PIR: variants seen among roughly 807,000 people sequenced by gnomAD.
PIR encodes the protein pirin (iron-binding nuclear protein).
Under a neutral mutation model 24.2 loss-of-function variants are expected in PIR, and 22 were observed. That is an observed-to-expected ratio of 0.91 (90% CI 0.65 to 1.30). PIR has a LOEUF of 1.30. Among genes scored for constraint, PIR ranks in the 50% most tolerant of loss-of-function variants. PIR has a pLI of 0.00. For missense variants in PIR, 220 were observed against 220.3 expected, an observed-to-expected ratio of 1.00 and a Z score of 0.01; for synonymous variants, 80 against 79.6, an observed-to-expected ratio of 1.00 and a Z score of -0.03.
At chrX:15,413,341 C>T (rs966030632) in intron 6 of PIR, among the ~76,000 whole-genome samples, 3 of 111,534 alleles carry the variant, frequency 2.7e-5, no homozygotes, top group Non-Finnish European at 5.6e-5. Context: ...TCTTCGACTG[C>T]GGAGCAAAGC....
chrX:15,403,194 C>T (rs1924446865), intron 7 of PIR, among the ~76,000 whole-genome samples: 1 of 112,009 alleles, frequency 8.9e-6, no homozygotes, highest in South Asian at 3.7e-4. Flanking sequence ...GAGCCCGTTT[C>T]AAACTGCTTA....
intron 7 of PIR, among the ~76,000 whole-genome samples, chrX:15,399,800 C>T (rs1054073953): frequency 7.2e-5 from 8 of 110,927 alleles, no homozygotes; most frequent in Non-Finnish European, 1.1e-4. Flanking sequence ...TAGCTATATC[C>T]GAAACCTGTT....
chrX:15,428,895 G>C (rs970945639), intron 5 of PIR, among the ~76,000 whole-genome samples: 1 of 112,115 alleles, frequency 8.9e-6, no homozygotes, highest in South Asian at 3.7e-4. Context: ...GAGGGTACTT[G>C]CTGTTGTTTA....
At chrX:15,395,977 C>T (rs966327627) in intron 8 of PIR, among the ~76,000 whole-genome samples, 1 of 111,667 alleles carries the variant, frequency 9.0e-6, no homozygotes, top group Admixed American at 9.5e-5. Flanking sequence ...GTTCTTCTGA[C>T]TCCCTTCATC....
chrX:15,481,989 C>T (rs1191087327), intron 2 of PIR, among the ~76,000 whole-genome samples: 1 of 111,459 alleles, frequency 9.0e-6, no homozygotes, highest in Non-Finnish European at 1.9e-5. Flanking sequence ...GAGCAAAAAG[C>T]AAGGCAAGTC....
intron 8 of PIR, among the ~76,000 whole-genome samples, chrX:15,391,013 A>G (rs945608226): frequency 9.0e-6 from 1 of 111,615 alleles, no homozygotes; most frequent in Non-Finnish European, 1.9e-5. Flanking sequence ...AGTTTTAGCA[A>G]TACAGTGTAA....
At chrX:15,390,739 G>C (rs1923932115) in intron 8 of PIR, among the ~76,000 whole-genome samples, 1 of 111,631 alleles carries the variant, frequency 9.0e-6, no homozygotes, top group Admixed American at 9.5e-5. Context: ...AGGGACATCT[G>C]CTCAAGCAAA....
intron 7 of PIR, among the ~76,000 whole-genome samples, chrX:15,407,066 C>T (rs1439593466): frequency 8.9e-6 from 1 of 112,054 alleles, no homozygotes. Flanking sequence ...ATATACAACC[C>T]TCGGAAGAAG....
intron 3 of PIR, among the ~76,000 whole-genome samples, chrX:15,473,676 C>A (rs1355976809): frequency 9.0e-6 from 1 of 111,238 alleles, no homozygotes; most frequent in Admixed American, 9.6e-5. Context: ...CCTGCCTCAG[C>A]TTCCCAAGTA....
intron 5 of PIR, among the ~76,000 whole-genome samples, chrX:15,428,928 T>C (rs1304676052): frequency 8.9e-6 from 1 of 112,327 alleles, no homozygotes; most frequent in Non-Finnish European, 1.9e-5. Flanking sequence ...GTTCTGAAAT[T>C]CTGATTCAGA....
intron 3 of PIR, among the ~76,000 whole-genome samples, 191 bp downstream of exon 3, chrX:15,479,538 T>C (rs1271145606): frequency 9.0e-6 from 1 of 111,720 alleles, no homozygotes; most frequent in Non-Finnish European, 1.9e-5. Context: ...AGGAATGTTT[T>C]TGGTGGCATA....
intron 2 of PIR, among the ~76,000 whole-genome samples, chrX:15,482,231 G>A (rs1354982502): frequency 4.5e-5 from 5 of 111,477 alleles, no homozygotes; most frequent in African/African-American, 1.6e-4. Flanking sequence ...ATTTTCAATC[G>A]TTATATTTTC....
chrX:15,465,128 TCCTTTC>T lies in PIR; in HGVS notation c.190-5394_190-5389del, dbSNP rs749921003. Among the ~76,000 whole-genome samples, 3 of 111,735 alleles carry T rather than the reference TCCTTTC, an allele frequency of 2.7e-5. No homozygotes were observed. In the South Asian group the frequency reaches 1.1e-3, roughly 41 times the overall value. Reference sequence around the variant, plus strand: ...TCCTCTACTTTTGCAGTGTGGATGCTCCTTTCCCTGGTTATACAATTAAACCTCGTT... The same window carrying T: ...TCCTCTACTTTTGCAGTGTGGATGCTCCTGGTTATACAATTAAACCTCGTT... On this transcript the variant is annotated intron_variant, in intron 3 of 9. Transcript: ENST00000380420.
chrX:15,456,875 C>G (rs1420894655), intron 4 of PIR, among the ~76,000 whole-genome samples: 3 of 112,415 alleles, frequency 2.7e-5, no homozygotes, highest in African/African-American at 6.5e-5. Flanking sequence ...GTATTAAAAG[C>G]AGATTAGGGA....
chrX:15,420,328 G>A (rs1256133508), intron 6 of PIR, among the ~76,000 whole-genome samples: 1 of 111,988 alleles, frequency 8.9e-6, no homozygotes, highest in African/African-American at 3.2e-5. Context: ...TCTCTCTCAG[G>A]AGGCAATATA....
At chrX:15,421,416 G>A (rs370542292) in intron 6 of PIR, among the ~76,000 whole-genome samples, 2 of 110,861 alleles carry the variant, frequency 1.8e-5, no homozygotes, top group South Asian at 7.5e-4. Context: ...AAGAATAAAT[G>A]AGAGAAGACC....
chrX:15,387,068 CTTTTCTTTTTTTTTTTTTTTTTTTTT>C (rs1477011933), intron 9 of PIR, among the ~76,000 whole-genome samples: 1 of 62,104 alleles, frequency 1.6e-5, no homozygotes, highest in Admixed American at 2.1e-4. Context: ...TTTTTCTTTT[CTTTTCTTTTTTTTTTTTTTTTTTTTT>C]TTTTTTTTTT....
intron 5 of PIR, among the ~76,000 whole-genome samples, chrX:15,455,339 G>A (rs1468701018): frequency 8.9e-6 from 1 of 112,827 alleles, no homozygotes; most frequent in Non-Finnish European, 1.9e-5. Context: ...TACAGGGCAT[G>A]TCGTGTATGG....
chrX:15,391,967 T>C (rs1321627587), intron 8 of PIR, among the ~76,000 whole-genome samples: 1 of 111,537 alleles, frequency 9.0e-6, no homozygotes, highest in Non-Finnish European at 1.9e-5. Context: ...TGCTTTCCTA[T>C]CTTCATTTCC....
Sources: allele counts gnomAD v4.1 joint callset (sites outside exome capture counted in the v4.1 genomes callset), GRCh38; gene constraint gnomAD v4.1.1; transcripts MANE v1.5; gene names NCBI Gene and HGNC (gene_info 2026-07-23, HGNC 2026-07-21).